Variants in RIMS1 observed in about 807,000 individuals in gnomAD.
The protein encoded by RIMS1 is regulating synaptic membrane exocytosis 1, also known as regulating synaptic membrane exocytosis protein 1.
RIMS1 carries 83 observed loss-of-function variants against 214.1 expected under a neutral mutation model. That is an observed-to-expected ratio of 0.39 (90% CI 0.32 to 0.47). The LOEUF (loss-of-function observed/expected upper bound fraction) is 0.47, where lower values mean the gene tolerates loss of function less well. Among genes scored for constraint, RIMS1 ranks in the 20% least tolerant of loss-of-function variants. The pLI, the probability that RIMS1 is intolerant of heterozygous loss-of-function variation, is 0.99. For missense variants in RIMS1, 2,050 were observed against 2,161.8 expected, an observed-to-expected ratio of 0.95 and a Z score of 1.03; for synonymous variants, 793 against 786.8, an observed-to-expected ratio of 1.01 and a Z score of -0.13.
intron 29 of RIMS1, among the ~76,000 whole-genome samples, chr6:72,364,366 T>C (rs889114974): frequency 4.6e-5 from 7 of 152,170 alleles, no homozygotes; most frequent in African/African-American, 1.7e-4. Context: ...ATATAAAAAT[T>C]ATTCCATAGA....
intron 29 of RIMS1, among the ~76,000 whole-genome samples, chr6:72,334,225 A>C (rs1298068209): frequency 6.6e-6 from 1 of 151,884 alleles, no homozygotes; most frequent in East Asian, 1.9e-4. Context: ...TTTATAGAAA[A>C]GAAGGTCAGT....
At chr6:71,934,507 A>G (rs999990181) in intron 1 of RIMS1, among the ~76,000 whole-genome samples, 1 of 152,142 alleles carries the variant, frequency 6.6e-6, no homozygotes. Flanking sequence ...AGCAGCCCTC[A>G]ATATTTTATA....
intron 2 of RIMS1, among the ~76,000 whole-genome samples, chr6:72,063,318 G>A (rs1040604702): frequency 1.3e-5 from 2 of 152,164 alleles, no homozygotes; most frequent in African/African-American, 4.8e-5. Flanking sequence ...AGAAATGCAA[G>A]TGATGGGAGC....
chr6:72,306,856 A>G (rs1232323320), intron 26 of RIMS1, among the ~76,000 whole-genome samples: 2 of 152,242 alleles, frequency 1.3e-5, no homozygotes, highest in African/African-American at 4.8e-5. Flanking sequence ...GCATGTAAGC[A>G]TGTGCATATA....
At chr6:71,904,405 G>A (rs1188278975) in intron 1 of RIMS1, among the ~76,000 whole-genome samples, 2 of 152,120 alleles carry the variant, frequency 1.3e-5, no homozygotes, top group African/African-American at 4.8e-5. Context: ...TGGGAGTTCT[G>A]AGACTAGCTG....
At chr6:72,391,368 T>TA (rs1205248789) in intron 30 of RIMS1, among the ~76,000 whole-genome samples, 2 of 150,972 alleles carry the variant, frequency 1.3e-5, no homozygotes, top group Admixed American at 1.3e-4. Context: ...TTTTTTTTTT[T>TA]ACCATTTCAT....
chr6:71,918,613 G>A (rs1779101390), intron 1 of RIMS1, among the ~76,000 whole-genome samples: 1 of 152,132 alleles, frequency 6.6e-6, no homozygotes, highest in Non-Finnish European at 1.5e-5. Context: ...TTTTAAATGA[G>A]AAATATCACA....
Position 72,401,944 on chromosome 6 carries a change from A to G in RIMS1, c.*1230A>G, listed in dbSNP as rs1379307160. 2 of 152,578 alleles carry G rather than the reference A, an allele frequency of 1.3e-5. No homozygotes were observed. The highest frequency in any genetic ancestry group is 2.4e-5 in the African/African-American group (1 of 41,436). 9.5% of individuals were successfully genotyped at this position (152,578 alleles called of 1,614,324 possible). On this transcript the variant is annotated 3_prime_UTR_variant, in exon 34 of 34. Transcript: ENST00000521978. Reference sequence around the variant, plus strand: ...GCAAAGTATCTTACTTTTTGGGGGGAAAATAAACAAAATGAACTTTCAATT... The same window carrying G: ...GCAAAGTATCTTACTTTTTGGGGGGGAAATAAACAAAATGAACTTTCAATT...
At position 72,290,881 on chromosome 6, in the gene RIMS1, C is replaced by T; in HGVS notation, c.3737+20C>T. The T allele has an allele frequency of 2.5e-6, 4 of 1,609,080 alleles. No homozygotes were observed. The highest frequency in any genetic ancestry group is 2.5e-6 in the Non-Finnish European group (3 of 1,177,616). On this transcript the variant is annotated intron_variant, in intron 25 of 33. Transcript: ENST00000521978. ...GACAAGGTCGCTATTCAGTGTCCCC[C>T]TCAGCATTCATGTCCTGCCTCCGGG...
intron 2 of RIMS1, among the ~76,000 whole-genome samples, chr6:72,002,679 C>T (rs1393662015): frequency 1.3e-5 from 2 of 152,144 alleles, no homozygotes; most frequent in East Asian, 1.9e-4. Flanking sequence ...CCTGTGGAAC[C>T]CGCAGAGCTG....
At chr6:71,920,691 C>G (rs919751724) in intron 1 of RIMS1, among the ~76,000 whole-genome samples, 1 of 152,144 alleles carries the variant, frequency 6.6e-6, no homozygotes, top group South Asian at 2.1e-4. Flanking sequence ...CTATAAGTCA[C>G]CTGCTTTCTC....
rs559084692 is a variant in RIMS1 at position 72,072,616 on chromosome 6, C to T, written c.246-24333C>T. Among the ~76,000 whole-genome samples, 23 of 152,246 alleles carry T rather than the reference C, an allele frequency of 1.5e-4. No homozygotes were observed. In the South Asian group the frequency reaches 3.9e-3, roughly 26 times the overall value. ...CAACATTCATTTGTTATTCATTCAA[C>T]ACTTAAGGAGCACCTTGGGAAACCA... is the stretch of plus-strand genomic sequence containing the variant. On this transcript the variant is annotated intron_variant, in intron 2 of 33. Transcript: ENST00000521978.
At chr6:71,910,202 A>G (rs1776466634) in intron 1 of RIMS1, among the ~76,000 whole-genome samples, 1 of 152,132 alleles carries the variant, frequency 6.6e-6, no homozygotes, top group African/African-American at 2.4e-5. Flanking sequence ...ATTTAACGTA[A>G]TGTCTGTTAG....
At chr6:72,148,754 A>T in intron 4 of RIMS1, 1 of 421,004 alleles carries the variant, frequency 2.4e-6, no homozygotes. Flanking sequence ...AAAGCTCAGG[A>T]TTGAGTTTGG....
intron 31 of RIMS1, among the ~76,000 whole-genome samples, chr6:72,394,329 GGTCT>G (rs541914932): frequency 8.1e-4 from 123 of 151,232 alleles, no homozygotes; most frequent in Middle Eastern, 3.6e-3. Flanking sequence ...GGAAAAAGAA[GGTCT>G]GTCTAAGAAA....
chr6:72,384,721 A>G (rs2098554658), intron 29 of RIMS1, among the ~76,000 whole-genome samples: 1 of 152,128 alleles, frequency 6.6e-6, no homozygotes, highest in Non-Finnish European at 1.5e-5. Flanking sequence ...CTGCATGTCA[A>G]TATATTCTAT....
At chr6:72,336,219 C>G (rs115382481) in intron 29 of RIMS1, among the ~76,000 whole-genome samples, 2 of 151,778 alleles carry the variant, frequency 1.3e-5, no homozygotes, top group African/African-American at 4.8e-5. Context: ...CTTTTCCCCT[C>G]TAGCTAGTTA....
At chr6:72,331,698 A>G (rs894026916) in intron 28 of RIMS1, among the ~76,000 whole-genome samples, 6 of 151,886 alleles carry the variant, frequency 4.0e-5, no homozygotes, top group African/African-American at 1.2e-4. Context: ...ACAGTTTGGG[A>G]TTGATCATAC....
chr6:72,287,367 G>A (rs1230244140), intron 24 of RIMS1, among the ~76,000 whole-genome samples: 2 of 152,114 alleles, frequency 1.3e-5, no homozygotes, highest in African/African-American at 2.4e-5. Flanking sequence ...TTAGGCTTTG[G>A]TAGAAGCAAT....
Sources: gnomAD v4.1 joint callset for allele counts (sites outside exome capture counted in the v4.1 genomes callset) on GRCh38, gnomAD v4.1.1 for gene constraint, MANE v1.5 for transcripts, NCBI Gene and HGNC (gene_info 2026-07-23, HGNC 2026-07-21) for gene names.